Variants in DMRT1 observed in about 807,000 individuals in gnomAD.
DMRT1 encodes the protein doublesex- and mab-3-related transcription factor 1.
Under a neutral mutation model 32.3 loss-of-function variants are expected in DMRT1, and 7 were observed. The ratio of observed to expected loss-of-function variants is 0.22; its 90% CI spans 0.12 to 0.41. The LOEUF (loss-of-function observed/expected upper bound fraction) is 0.41, where lower values mean the gene tolerates loss of function less well. DMRT1 is among the 10% of genes least tolerant of loss of function. DMRT1 has a pLI of 1.00. For missense variants in DMRT1, 625 were observed against 500.5 expected (o/e 1.25, Z -2.37); for synonymous variants, 278 against 206.1 (o/e 1.35, Z -2.99).
intron 2 of DMRT1, among the ~76,000 whole-genome samples, chr9:893,629 A>G (rs993952600): frequency 1.3e-5 from 2 of 152,236 alleles, no homozygotes; most frequent in African/African-American, 4.8e-5. Context: ...GAATTTCTGG[A>G]TAGAAGTTGT....
intron 4 of DMRT1, among the ~76,000 whole-genome samples, chr9:960,622 C>T (rs972930314): frequency 1.3e-5 from 2 of 152,172 alleles, no homozygotes; most frequent in African/African-American, 4.8e-5. Flanking sequence ...GATGGCAGAG[C>T]TCCTGGTCTT....
intron 4 of DMRT1, among the ~76,000 whole-genome samples, chr9:940,072 G>A (rs1819013046): frequency 6.6e-6 from 1 of 152,144 alleles, no homozygotes; most frequent in Non-Finnish European, 1.5e-5. Flanking sequence ...CAAGAGTTGG[G>A]AAGGATATGG....
At position 940,651 on chromosome 9, in the gene DMRT1, G is replaced by A. The variant is rs899156089; in HGVS notation, c.967+23744G>A. ...ACATTGGATTTGGCGATGACTTCTT[G>A]GATATGACATTAAAGGCTCAGGTAA... On this transcript the variant is annotated intron_variant, in intron 4 of 4. Coordinates refer to ENST00000382276, the MANE Select transcript of DMRT1 (RefSeq NM_021951.3). Among the ~76,000 whole-genome samples the A allele has an allele frequency of 2.0e-5, 3 of 152,056 alleles. No homozygotes were observed. In the South Asian group the frequency reaches 6.2e-4, roughly 32 times the overall value.
chr9:936,154 T>G (rs754842303), intron 4 of DMRT1, among the ~76,000 whole-genome samples: 20 of 152,214 alleles, frequency 1.3e-4, no homozygotes, highest in Non-Finnish European at 2.6e-4. Flanking sequence ...TCTCTTTGGA[T>G]TGCTTGTCTC....
rs192640875 is a variant in DMRT1, at chr9:890,442, C to A, written c.539-3470C>A. Among the ~76,000 whole-genome samples, 106 of 152,298 alleles carry A rather than the reference C, an allele frequency of 7.0e-4. 1 individual carries two copies. Among genetic ancestry groups the A allele is most frequent in the Admixed American group, 6.8e-3 (104 of 15,302 alleles). ...TGGGAGTGCATTTACAGGAGCCTAG[C>A]ATAGGTGGATTTGGTTTCCTTTCAG... is the stretch of plus-strand genomic sequence containing the variant. On this transcript the variant is annotated intron_variant, in intron 2 of 4. Transcript: ENST00000382276.
At chr9:924,425 C>G (rs1471715430) in intron 4 of DMRT1, among the ~76,000 whole-genome samples, 1 of 152,160 alleles carries the variant, frequency 6.6e-6, no homozygotes, top group Admixed American at 6.5e-5. Context: ...ACAATAATAA[C>G]ACATGTATCT....
intron 2 of DMRT1, among the ~76,000 whole-genome samples, chr9:871,691 G>A (rs972354926): frequency 6.0e-4 from 89 of 149,294 alleles, no homozygotes; most frequent in Non-Finnish European, 7.8e-4. Context: ...AGCCAGGATG[G>A]TCTCAATCTC....
intron 4 of DMRT1, among the ~76,000 whole-genome samples, chr9:957,640 C>G (rs1277694488): frequency 6.6e-6 from 1 of 152,172 alleles, no homozygotes; most frequent in Non-Finnish European, 1.5e-5. Flanking sequence ...CTAAAATGTT[C>G]AATCTTGATT....
In DMRT1 at chr9:841,749, C is replaced by T. The variant is rs990727137; in HGVS notation, c.-90C>T. ...CACACGTCTCCTGCGCCTCCTCCTC[C>T]GGAGCGTCGCTGTCCGTCGGGTTCA... On this transcript the variant is annotated 5_prime_UTR_variant, in exon 1 of 5. Transcript: ENST00000382276. 10 of 1,548,126 alleles carry T rather than the reference C, an allele frequency of 6.5e-6. No individual in the cohort carries two copies. The African/African-American group carries it at 1.4e-4, about 21-fold the overall frequency.
intron 2 of DMRT1, among the ~76,000 whole-genome samples, chr9:860,910 A>C (rs966823433): frequency 6.6e-5 from 10 of 152,178 alleles, no homozygotes; most frequent in Non-Finnish European, 7.4e-5. Context: ...GGGTGACACC[A>C]GTGGGGTTGT....
At chr9:945,578 T>A (rs1334277942) in intron 4 of DMRT1, among the ~76,000 whole-genome samples, 1 of 152,238 alleles carries the variant, frequency 6.6e-6, no homozygotes, top group African/African-American at 2.4e-5. Flanking sequence ...AGCAGAGATT[T>A]AAAAGACAGC....
chr9:939,848 G>A (rs1022275974), intron 4 of DMRT1, among the ~76,000 whole-genome samples: 1 of 152,086 alleles, frequency 6.6e-6, no homozygotes, highest in Non-Finnish European at 1.5e-5. Context: ...ATACCTATAA[G>A]GGTGGACATT....
At chr9:879,444 G>A (rs966883657) in intron 2 of DMRT1, among the ~76,000 whole-genome samples, 2 of 152,042 alleles carry the variant, frequency 1.3e-5, no homozygotes, top group African/African-American at 4.8e-5. Context: ...TTTACGTTTG[G>A]CTTAATAGGA....
intron 4 of DMRT1, among the ~76,000 whole-genome samples, chr9:921,854 A>AT (rs1224937206): frequency 1.3e-5 from 2 of 152,102 alleles, no homozygotes; most frequent in African/African-American, 4.8e-5. Flanking sequence ...CCTGGGTGAC[A>AT]GAGCGAAACC....
chr9:881,817 A>G (rs1816745898), intron 2 of DMRT1, among the ~76,000 whole-genome samples: 1 of 152,176 alleles, frequency 6.6e-6, no homozygotes, highest in South Asian at 2.1e-4. Flanking sequence ...CTCCACCCCC[A>G]AACTCAAGCT....
intron 2 of DMRT1, among the ~76,000 whole-genome samples, chr9:871,056 C>T (rs1024237499): frequency 6.6e-6 from 1 of 151,786 alleles, no homozygotes; most frequent in African/African-American, 2.4e-5. Context: ...GGTCTTTGAA[C>T]CCAAGGTCTG....
At chr9:954,031 G>T (rs926841019) in intron 4 of DMRT1, among the ~76,000 whole-genome samples, 1 of 152,120 alleles carries the variant, frequency 6.6e-6, no homozygotes, top group African/African-American at 2.4e-5. Flanking sequence ...TGAGTTGAGT[G>T]TTAAGCTGTG....
At chr9:923,032 G>A (rs1818405812) in intron 4 of DMRT1, among the ~76,000 whole-genome samples, 1 of 152,184 alleles carries the variant, frequency 6.6e-6, no homozygotes, top group Non-Finnish European at 1.5e-5. Context: ...CAATGTCGTG[G>A]ACCAGGGAGT....
intron 4 of DMRT1, among the ~76,000 whole-genome samples, chr9:962,358 A>C (rs1179515198): frequency 6.6e-6 from 1 of 152,086 alleles, no homozygotes; most frequent in East Asian, 1.9e-4. Context: ...GTTTTTTGGA[A>C]GGTGAGGAGT....
Sources: allele counts gnomAD v4.1 joint callset (sites outside exome capture counted in the v4.1 genomes callset), GRCh38; gene constraint gnomAD v4.1.1; transcripts MANE v1.5; gene names NCBI Gene and HGNC (gene_info 2026-07-23, HGNC 2026-07-21).